Variants in TSPAN14 observed in about 807,000 individuals in gnomAD.
TSPAN14 encodes tetraspanin-14.
In TSPAN14, 16 loss-of-function variants were observed where a neutral mutation model predicts 36.6. That is an observed-to-expected ratio of 0.44 (90% CI 0.30 to 0.66). The LOEUF (loss-of-function observed/expected upper bound fraction) is 0.66. Ranked by LOEUF, TSPAN14 falls within the 30% of genes least tolerant of loss-of-function variation. The probability of loss-of-function intolerance (pLI) is 0.12; values close to 1 mark genes in which losing one functional copy is unlikely to be tolerated. For synonymous variants in TSPAN14, 139 were observed against 143.8 expected (o/e 0.97, Z 0.24); for missense variants, 231 against 355.1 (o/e 0.65, Z 2.81).
chr10:80,462,560 G>C (rs1015826154), intron 1 of TSPAN14, among the ~76,000 whole-genome samples: 1 of 152,160 alleles, frequency 6.6e-6, no homozygotes, highest in Non-Finnish European at 1.5e-5. Context: ...AAATCACTTG[G>C]AGGAAGTATA....
intron 1 of TSPAN14, among the ~76,000 whole-genome samples, chr10:80,482,399 G>T: frequency 6.6e-6 from 1 of 151,350 alleles, no homozygotes; most frequent in Middle Eastern, 3.2e-3. Context: ...CAATTCTCCT[G>T]CCTCAACCTC....
intron 1 of TSPAN14, among the ~76,000 whole-genome samples, chr10:80,478,889 CTAGTT>C (rs1271855233): frequency 2.0e-5 from 3 of 152,190 alleles, no homozygotes; most frequent in Non-Finnish European, 4.4e-5. Context: ...AATGGTTGAA[CTAGTT>C]TACAGTCCCA....
rs1316916012 is a variant in TSPAN14, at chr10:80,480,131, G to A, written c.-17-9086G>A. On this transcript the variant is annotated intron_variant, in intron 1 of 8. Coordinates refer to ENST00000429989, the Ensembl canonical transcript of TSPAN14. ...GCGTCTAAGAATGCTTGTGATTTTT[G>A]TACATTGATTTTGTATCCTGAGACT... 5.3e-5 allele frequency among the ~76,000 whole-genome samples: 8 copies of A among 151,312 alleles called. No individual in the cohort carries two copies. In the South Asian group the frequency reaches 6.3e-4, roughly 12 times the overall value.
At chr10:80,473,111 C>T (rs1846650099) in intron 1 of TSPAN14, among the ~76,000 whole-genome samples, 1 of 152,196 alleles carries the variant, frequency 6.6e-6, no homozygotes. Flanking sequence ...TTGAACAAAG[C>T]CTCCTGTAGC....
intron 1 of TSPAN14, among the ~76,000 whole-genome samples, chr10:80,484,199 C>T (rs1406604050): frequency 1.3e-5 from 2 of 150,872 alleles, no homozygotes; most frequent in African/African-American, 2.4e-5. Flanking sequence ...GAGCTGAGTG[C>T]GCCACTGCAC....
At position 80,512,279 on chromosome 10, in the gene TSPAN14, C is replaced by T; in HGVS notation, c.576+10C>T. On this transcript the variant is annotated intron_variant, in intron 6 of 8. Coordinates refer to ENST00000429989, the Ensembl canonical transcript of TSPAN14. ...CGTGCCAGATCCTGCGGTGAGTTGG[C>T]TTGTGCTGGGGCACAGGGAGCCCGC... 1 of 1,613,378 alleles carries T rather than the reference C, an allele frequency of 6.2e-7. No individual in the cohort carries two copies. Among genetic ancestry groups the T allele is most frequent in the Non-Finnish European group, 8.5e-7 (1 of 1,179,946 alleles).
At chr10:80,483,377 A>G (rs1013963186) in intron 1 of TSPAN14, among the ~76,000 whole-genome samples, 1 of 152,212 alleles carries the variant, frequency 6.6e-6, no homozygotes, top group Non-Finnish European at 1.5e-5. Flanking sequence ...TTTGGCCTTT[A>G]AGCACATGCT....
intron 1 of TSPAN14, among the ~76,000 whole-genome samples, chr10:80,467,803 C>T (rs1183117174): frequency 6.6e-6 from 1 of 152,124 alleles, no homozygotes; most frequent in Non-Finnish European, 1.5e-5. Context: ...CTGAGTGTGG[C>T]CCCTGGAGTT....
chr10:80,514,140 G>T, intron 7 of TSPAN14, 77 bp downstream of exon 7: 1 of 1,380,774 alleles, frequency 7.2e-7, no homozygotes, highest in Non-Finnish European at 1.0e-6. Context: ...GATTTAGCAC[G>T]AGTGCAAATT....
chr10:80,518,004 G>C, exon 9 of TSPAN14: 1 of 1,552,298 alleles, frequency 6.4e-7, no homozygotes, highest in Non-Finnish European at 8.7e-7. Flanking sequence ...GCCGAGCTGA[G>C]CCACGCTGGG....
In TSPAN14 at chr10:80,517,682, T is replaced by C. The variant is rs552280173; in HGVS notation, c.742-223T>C. On this transcript the variant is annotated intron_variant, in intron 8 of 8. Transcript: ENST00000429989. ...CTTGTGGTGCCTGTGGTTTGCCTCTTCTAGGCTTTGGGAATGTAACAGACT... is the reference window on the plus strand; with the variant it reads ...CTTGTGGTGCCTGTGGTTTGCCTCTCCTAGGCTTTGGGAATGTAACAGACT... 1.2e-4 allele frequency among the ~76,000 whole-genome samples: 19 copies of C among 152,368 alleles called. No individual in the cohort carries two copies. In the South Asian group the frequency reaches 3.9e-3, roughly 32 times the overall value.
chr10:80,519,159 C>T (rs1001829364), exon 9 of TSPAN14: 2 of 152,738 alleles, frequency 1.3e-5, no homozygotes, highest in Admixed American at 6.5e-5. Flanking sequence ...CCATTTGCCT[C>T]TCCCCGGAGA....
intron 1 of TSPAN14, among the ~76,000 whole-genome samples, chr10:80,457,498 C>A (rs1355820071): frequency 1.3e-5 from 2 of 152,192 alleles, no homozygotes; most frequent in African/African-American, 4.8e-5. Context: ...CAGGTTTTCT[C>A]ATTTCTAATT....
intron 1 of TSPAN14, among the ~76,000 whole-genome samples, chr10:80,464,563 A>G (rs1846141671): frequency 6.6e-6 from 1 of 152,084 alleles, no homozygotes; most frequent in African/African-American, 2.4e-5. Context: ...TAGACCTCCT[A>G]AATAGACCCT....
chr10:80,516,636 C>T (rs1427418133), intron 8 of TSPAN14, among the ~76,000 whole-genome samples: 1 of 152,192 alleles, frequency 6.6e-6, no homozygotes, highest in East Asian at 1.9e-4. Context: ...GCAGAAGGGT[C>T]ACTGCCTATC....
At chr10:80,518,024 C>T in exon 9 of TSPAN14, 2 of 1,536,538 alleles carry the variant, frequency 1.3e-6, no homozygotes, top group Non-Finnish European at 1.8e-6. Context: ...GAGGCCAGAG[C>T]CTTTCTCTGC....
intron 1 of TSPAN14, chr10:80,485,583 G>T (rs1847541945): frequency 3.1e-6 from 3 of 974,504 alleles, no homozygotes; most frequent in Non-Finnish European, 3.7e-6. Flanking sequence ...GTCCTAATGA[G>T]TCTCCCATTT....
rs116833023 is a variant in TSPAN14 at position 80,467,224 on chromosome 10, A to G, written c.-18+12853A>G. On this transcript the variant is annotated intron_variant, in intron 1 of 8. Coordinates refer to ENST00000429989, the Ensembl canonical transcript of TSPAN14. ...GGAGGTATGTAATGAGGCCTTTCCA[A>G]CCTCCTCCTTGTTGTGGCCAAGAGC... Among the ~76,000 whole-genome samples the G allele has an allele frequency of 9.0e-3, 1,360 of 151,630 alleles. 18 individuals carry two copies. Among genetic ancestry groups the G allele is most frequent in the African/African-American group, 0.032 (1,308 of 41,336 alleles).
At chr10:80,521,911 G>GAAAAAAAAAAA (rs998499950) in exon 9 of TSPAN14, 2 of 90,618 alleles carry the variant, frequency 2.2e-5, no homozygotes, top group Non-Finnish European at 2.3e-5. Context: ...GCTCAAAAAA[G>GAAAAAAAAAAA]AAAAAAAAAA....
Sources: allele counts gnomAD v4.1 joint callset (sites outside exome capture counted in the v4.1 genomes callset), GRCh38; gene constraint gnomAD v4.1.1; transcripts MANE v1.5; gene names NCBI Gene and HGNC (gene_info 2026-07-23, HGNC 2026-07-21).